Variants in C3orf20 observed in about 807,000 individuals in gnomAD.
C3orf20 encodes family with sequence similarity 149 member C.
A neutral mutation model predicts 88.3 loss-of-function variants in C3orf20; 76 were observed. The ratio of observed to expected loss-of-function variants is 0.86; its 90% CI spans 0.72 to 1.04. C3orf20 has a LOEUF of 1.04. Ranked by LOEUF, C3orf20 falls within the 50% of genes least tolerant of loss-of-function variation. The pLI, the probability that C3orf20 is intolerant of heterozygous loss-of-function variation, is 0.00. For synonymous variants in C3orf20, 436 were observed against 437.4 expected (o/e 1.00, Z 0.04); for missense variants, 1,056 against 1,123.3 (o/e 0.94, Z 0.86).
intron 12 of C3orf20, among the ~76,000 whole-genome samples, chr3:14,737,999 C>G (rs1047497182): frequency 3.9e-5 from 6 of 152,108 alleles, no homozygotes; most frequent in African/African-American, 7.2e-5. Flanking sequence ...ACATCTTCAG[C>G]CTCCACTTCT....
chr3:14,759,570 A>G (rs2035493371), intron 13 of C3orf20, among the ~76,000 whole-genome samples: 1 of 152,218 alleles, frequency 6.6e-6, no homozygotes, highest in Admixed American at 6.5e-5. Context: ...AAACCTCTGC[A>G]GTGCTACCTC....
chr3:14,763,516 G>A (rs1162462473), intron 15 of C3orf20, among the ~76,000 whole-genome samples: 1 of 152,122 alleles, frequency 6.6e-6, no homozygotes. Context: ...ATCACCTTAG[G>A]GATGAGGATT....
At chr3:14,687,038 G>A (rs2032468142) in intron 4 of C3orf20, among the ~76,000 whole-genome samples, 1 of 152,240 alleles carries the variant, frequency 6.6e-6, no homozygotes, top group Non-Finnish European at 1.5e-5. Context: ...TGCCCCTGAT[G>A]CCTGATGCGG....
Position 14,699,407 on chromosome 3 carries a change from G to A in C3orf20, c.746-3723G>A, listed in dbSNP as rs556611224. On this transcript the variant is annotated intron_variant, in intron 5 of 16. Transcript: ENST00000253697. ...CTCAGAGTGTCACCCAAGGCCCACAGCCTACTACCTGGGTATCACTGCTGG... is the reference window on the plus strand; with the variant it reads ...CTCAGAGTGTCACCCAAGGCCCACAACCTACTACCTGGGTATCACTGCTGG... 5.9e-5 allele frequency among the ~76,000 whole-genome samples: 9 copies of A among 152,316 alleles called. 1 individual carries two copies. In the South Asian group the frequency reaches 1.9e-3, roughly 32 times the overall value.
At chr3:14,767,066 C>G (rs369248767) in intron 15 of C3orf20, 1 of 152,472 alleles carries the variant, frequency 6.6e-6, no homozygotes, top group East Asian at 1.9e-4. Context: ...TGGGACCTCT[C>G]GGAAAGGCCA....
Position 14,712,126 on chromosome 3 carries a change from C to CTG in C3orf20, c.1161-1880_1161-1879dup, listed in dbSNP as rs796872481. 3.9e-5 allele frequency among the ~76,000 whole-genome samples: 6 copies of CTG among 151,956 alleles called. No homozygotes were observed. The South Asian group carries it at 1.3e-3, about 32-fold the overall frequency. ...CTTGGGGTGGGCCCTACTGCAATGA[C>CTG]TGGTGTCCTTATAAGAAGAGAAAAC... On this transcript the variant is annotated intron_variant, in intron 7 of 16. Coordinates refer to ENST00000253697, the MANE Select transcript of C3orf20 (RefSeq NM_032137.5).
At chr3:14,733,080 A>G (rs1306155769) in intron 12 of C3orf20, among the ~76,000 whole-genome samples, 1 of 152,104 alleles carries the variant, frequency 6.6e-6, no homozygotes, top group Non-Finnish European at 1.5e-5. Flanking sequence ...GATAAACTCC[A>G]TTTGATCATA....
Position 14,772,791 on chromosome 3 carries a change from G to T in C3orf20, c.2631G>T (p.Lys877Asn). 1 of 1,613,096 alleles carries T rather than the reference G, an allele frequency of 6.2e-7. No individual in the cohort carries two copies. Residue 877 changes from lysine (K) to asparagine (N), a missense_variant and splice_region_variant, in exon 17 of 17, where the codon AAG becomes AAT. Physicochemically the swap from Lys to Asn is moderately conservative, Grantham distance 94. Transcript: ENST00000253697. This position sits in a 1 kb window ranked among gnomAD's most constrained non-coding sequence, Gnocchi z 4.2. The part of the protein sequence containing the change: ...VEKELSLEAE[K>N]TREPEVELHP... ...CCCGGCCCTCTATTTTGATCTTTAG[G>T]ACAAGAGAGCCTGAAGTGGAGCTAC...
intron 15 of C3orf20, among the ~76,000 whole-genome samples, chr3:14,762,826 T>C (rs1165055075): frequency 2.0e-5 from 3 of 152,148 alleles, no homozygotes; most frequent in Admixed American, 1.3e-4. Context: ...CTTATGCCCT[T>C]CTCACTGCAG....
chr3:14,698,490 C>T (rs1207663719), intron 5 of C3orf20, among the ~76,000 whole-genome samples: 1 of 152,220 alleles, frequency 6.6e-6, no homozygotes, highest in Non-Finnish European at 1.5e-5. Flanking sequence ...TTAGGGGGCA[C>T]CCCAAGCCCA....
chr3:14,688,928 A>G (rs2032579578), intron 4 of C3orf20, among the ~76,000 whole-genome samples: 1 of 152,090 alleles, frequency 6.6e-6, no homozygotes, highest in South Asian at 2.1e-4. Flanking sequence ...ACTCCTTGTA[A>G]TGTTCATGTT....
intron 5 of C3orf20, among the ~76,000 whole-genome samples, chr3:14,699,696 C>G (rs1048067014): frequency 6.6e-6 from 1 of 152,190 alleles, no homozygotes; most frequent in African/African-American, 2.4e-5. Flanking sequence ...TTTTTTGGAG[C>G]CATGAGCTGT....
chr3:14,703,177 G>A lies in C3orf20; in HGVS notation c.793G>A (p.Gly265Arg), dbSNP rs769712584. 6.2e-7 allele frequency: 1 copy of A among 1,614,186 alleles called. No homozygotes were observed. Among genetic ancestry groups the A allele is most frequent in the Admixed American group, 1.7e-5 (1 of 60,030 alleles). Residue 265 changes from glycine to arginine, a missense_variant, in exon 6 of 17, where the codon GGA becomes AGA. Gly to Arg is a moderately radical substitution (Grantham distance 125). Transcript: ENST00000253697. ...EDVSMPPLHR[G>R]VGTPANSLEF... ...TGTCAGCATGCCGCCCCTGCATCGA[G>A]GAGTGGGAACCCCTGCCAACAGCCT...
At position 14,714,000 on chromosome 3, in the gene C3orf20, C is replaced by T; in HGVS notation, c.1161-7C>T. 1.2e-6 allele frequency: 2 copies of T among 1,613,974 alleles called. No homozygotes were observed. The highest frequency in any genetic ancestry group is 1.7e-6 in the Non-Finnish European group (2 of 1,179,956). ...TTCTGTTAGTTCTACCTGAACATTT[C>T]TGCCAGCTATCCCTCTGGAAACGTC... On this transcript the variant is annotated splice_polypyrimidine_tract_variant and splice_region_variant and intron_variant, in intron 7 of 16. Coordinates refer to ENST00000253697, the MANE Select transcript of C3orf20 (RefSeq NM_032137.5).
In C3orf20 at chr3:14,759,885, T is replaced by C. The variant is rs757192775; in HGVS notation, c.2245-6T>C. 6.2e-7 allele frequency: 1 copy of C among 1,611,836 alleles called. No homozygotes were observed. Among genetic ancestry groups the C allele is most frequent in the Non-Finnish European group, 8.5e-7 (1 of 1,177,980 alleles). ...GTGACCAGTTCTCATATTTCTCTCCTGGTAGTGCCGGTATGACTCCTACCG... is the reference window on the plus strand; with the variant it reads ...GTGACCAGTTCTCATATTTCTCTCCCGGTAGTGCCGGTATGACTCCTACCG... On this transcript the variant is annotated splice_polypyrimidine_tract_variant and splice_region_variant and intron_variant, in intron 13 of 16. Transcript: ENST00000253697.
intron 5 of C3orf20, among the ~76,000 whole-genome samples, chr3:14,696,119 GT>G (rs35824281): frequency 0.33 from 47,145 of 143,820 alleles, 7,674 homozygotes; most frequent in African/African-American, 0.38. Context: ...TAAATTTCTT[GT>G]TTTTTTTTTT....
chr3:14,739,663 C>T (rs1243876307), intron 12 of C3orf20, among the ~76,000 whole-genome samples: 3 of 152,232 alleles, frequency 2.0e-5, no homozygotes, highest in Non-Finnish European at 4.4e-5. Flanking sequence ...GTGGCATCTT[C>T]TTCCAGTAGA....
Position 14,748,423 on chromosome 3 carries a change from C to G in C3orf20, c.1941-8948C>G, listed in dbSNP as rs187832206. On this transcript the variant is annotated intron_variant, in intron 12 of 16. Transcript: ENST00000253697. ...AACCAACATCTGTTTTGTTGTTTCT[C>G]TCTATGGTTTATCTATTCTTTATTT... Among the ~76,000 whole-genome samples the G allele has an allele frequency of 6.8e-4, 104 of 152,170 alleles. 3 individuals are homozygous for G. The South Asian group carries it at 0.018, about 26-fold the overall frequency.
intron 9 of C3orf20, among the ~76,000 whole-genome samples, chr3:14,716,518 T>G (rs1008891847): frequency 6.6e-6 from 1 of 152,206 alleles, no homozygotes; most frequent in East Asian, 1.9e-4. Flanking sequence ...CTCCTCCTTA[T>G]GCTCTGATTC....
Sources: allele counts gnomAD v4.1 joint callset (sites outside exome capture counted in the v4.1 genomes callset), GRCh38; gene constraint gnomAD v4.1.1; non-coding constraint Gnocchi (gnomAD v3.1); transcripts MANE v1.5; gene names NCBI Gene and HGNC (gene_info 2026-07-23, HGNC 2026-07-21).